KIF15: variants seen among roughly 807,000 people sequenced by gnomAD.
KIF15 encodes the protein kinesin-like protein KIF15.
KIF15 carries 140 observed loss-of-function variants against 190.6 expected under a neutral mutation model. The observed-to-expected ratio is 0.73, with a 90% CI of 0.64 to 0.84. The LOEUF is 0.84. Ranked by LOEUF, KIF15 falls within the 40% of genes least tolerant of loss-of-function variation. The probability of loss-of-function intolerance (pLI) is 0.00; values close to 1 mark genes in which losing one functional copy is unlikely to be tolerated. For missense variants in KIF15, 1,372 were observed against 1,584.4 expected, an observed-to-expected ratio of 0.87 and a Z score of 2.28; for synonymous variants, 528 against 551.3, an observed-to-expected ratio of 0.96 and a Z score of 0.59.
At chr3:44,836,512 A>G (rs1015537434) in intron 26 of KIF15, among the ~76,000 whole-genome samples, 1 of 152,186 alleles carries the variant, frequency 6.6e-6, no homozygotes, top group Non-Finnish European at 1.5e-5. Context: ...TTCTAACAAC[A>G]GATGGGGAAA....
chr3:44,784,137 T>A (rs967847522), intron 5 of KIF15, among the ~76,000 whole-genome samples: 1 of 152,248 alleles, frequency 6.6e-6, no homozygotes, highest in African/African-American at 2.4e-5. Context: ...AGCACTAACA[T>A]GGCTCTAAGT....
At chr3:44,781,840 C>G (rs758629099) in intron 5 of KIF15, among the ~76,000 whole-genome samples, 1 of 152,176 alleles carries the variant, frequency 6.6e-6, no homozygotes, top group Non-Finnish European at 1.5e-5. Context: ...AATGCCCATT[C>G]AAGCTTTTTT....
At chr3:44,858,009 A>G (rs568917415), downstream of KIF15, among the ~76,000 whole-genome samples, 1 of 152,308 alleles carries the variant, frequency 6.6e-6, no homozygotes, top group South Asian at 2.1e-4. Context: ...AATCAAGAGA[A>G]AGAGCTTGGC....
chr3:44,797,812 G>GA, intron 9 of KIF15, 22 bp from the exon 10 acceptor site: 1 of 1,610,354 alleles, frequency 6.2e-7, no homozygotes. Context: ...CCGAAAATAT[G>GA]TTCATTCCTA....
intron 16 of KIF15, 152 bp from the exon 17 acceptor site, chr3:44,810,694 C>T: frequency 1.6e-6 from 1 of 609,222 alleles, no homozygotes; most frequent in East Asian, 2.9e-5. Flanking sequence ...AAATTTATTT[C>T]CACTTGGGCA....
intron 1 of KIF15, among the ~76,000 whole-genome samples, chr3:44,766,603 T>C (rs1398650682): frequency 2.0e-5 from 3 of 152,108 alleles, no homozygotes; most frequent in African/African-American, 7.2e-5. Context: ...GCTGGAGGGA[T>C]CCCTGTGTTC....
intron 3 of KIF15, among the ~76,000 whole-genome samples, chr3:44,776,508 A>G (rs941630909): frequency 2.6e-5 from 4 of 152,228 alleles, no homozygotes; most frequent in Non-Finnish European, 4.4e-5. Context: ...AATTAAATAA[A>G]ACTTGAAAGT....
chr3:44,792,904 A>G (rs1445921821), intron 7 of KIF15, among the ~76,000 whole-genome samples: 1 of 152,060 alleles, frequency 6.6e-6, no homozygotes, highest in Non-Finnish European at 1.5e-5. Flanking sequence ...TTTTGTATAC[A>G]TTATTTTACT....
intron 19 of KIF15, among the ~76,000 whole-genome samples, chr3:44,814,322 G>T (rs1399560835): frequency 6.6e-6 from 1 of 151,406 alleles, no homozygotes; most frequent in Non-Finnish European, 1.5e-5. Flanking sequence ...TTGTTTGTTT[G>T]TTTTGAGACA....
chr3:44,853,235 A>C lies in KIF15; in HGVS notation c.*500A>C, dbSNP rs1362772111. ...TGAGCATTTTCCATGACTGTAAATA[A>C]AGCCATTTTTTAAGATAATAATTAA... On this transcript the variant is annotated 3_prime_UTR_variant, in exon 35 of 35. Transcript: ENST00000326047. 1 of 152,232 alleles carries C rather than the reference A, an allele frequency of 6.6e-6. No homozygotes were observed. The highest frequency in any genetic ancestry group is 6.5e-5 in the Admixed American group (1 of 15,278). The allele number at this position is 152,232 out of a possible 1,614,324, so 9.4% of individuals were successfully genotyped here. A position where few individuals can be genotyped will look rare whatever the true frequency, so the allele number is the denominator to read the frequency against.
Position 44,852,807 on chromosome 3 carries a change from C to G in KIF15, c.*72C>G, listed in dbSNP as rs1699110571. The stretch of plus-strand genomic sequence containing the variant: ...TTCTCTTTTACAAGTAAGACCTACT[C>G]CTGGCCACTTAGGAGAGCTGAATTT... On this transcript the variant is annotated 3_prime_UTR_variant, in exon 35 of 35. Transcript: ENST00000326047. 4 of 1,248,752 alleles carry G rather than the reference C, an allele frequency of 3.2e-6. No homozygotes were observed. The Admixed American group carries it at 6.9e-5, about 21-fold the overall frequency. 77.4% of individuals were successfully genotyped at this position (1,248,752 alleles called of 1,614,324 possible).
At chr3:44,764,366 T>C (rs1329614001) in intron 1 of KIF15, among the ~76,000 whole-genome samples, 1 of 152,218 alleles carries the variant, frequency 6.6e-6, no homozygotes, top group Non-Finnish European at 1.5e-5. Flanking sequence ...ATGTATTCTT[T>C]TTTTATTCTG....
In KIF15 at chr3:44,865,463, T is replaced by G. The variant is rs1345915503; in HGVS notation, c.*60-7866T>G. ...GATGCTGGAGATCCTGGGGTTGGTC[T>G]GCTTTGTGTATGGTACTTGAAACCA... On this transcript the variant is annotated intron_variant and NMD_transcript_variant, in intron 6 of 6. Transcript: ENST00000422209. 14 of 436,486 alleles carry G rather than the reference T, an allele frequency of 3.2e-5. No homozygotes were observed. The South Asian group carries it at 4.9e-4, about 15-fold the overall frequency. 27.0% of individuals were successfully genotyped at this position (436,486 alleles called of 1,614,324 possible). A position where few individuals can be genotyped will look rare whatever the true frequency, so the allele number is the denominator to read the frequency against.
At chr3:44,780,987 T>C (rs1706135776) in intron 5 of KIF15, 65 bp downstream of exon 5, 1 of 1,202,176 alleles carries the variant, frequency 8.3e-7, no homozygotes, top group Non-Finnish European at 1.2e-6. Context: ...ACCTACAACA[T>C]TTTGGGGAAA....
At chr3:44,819,825 G>A (rs1009552164) in intron 20 of KIF15, among the ~76,000 whole-genome samples, 7 of 152,144 alleles carry the variant, frequency 4.6e-5, no homozygotes, top group Non-Finnish European at 8.8e-5. Flanking sequence ...TCATTCATCT[G>A]TCTAATATTG....
chr3:44,761,804 G>C lies in KIF15; in HGVS notation c.-62G>C. On this transcript the variant is annotated 5_prime_UTR_variant, in exon 1 of 35. Transcript: ENST00000326047. ...GAGCGGGCGGAATTCAGTCGCGCGC[G>C]GTGCAGTCGGGAGGTGGAGGCACCG... The C allele has an allele frequency of 6.2e-7, 1 of 1,611,296 alleles. No individual in the cohort carries two copies. The highest frequency in any genetic ancestry group is 1.1e-5 in the South Asian group (1 of 91,032).
chr3:44,859,138 T>G lies in KIF15; in HGVS notation c.*59+6344T>G, dbSNP rs575295672. ...GGCCCAGTGGCCAGATTTATGGCAC[T>G]TTAAGCAAGCTCCTGTGGGAGGCGG... On this transcript the variant is annotated intron_variant and NMD_transcript_variant, in intron 6 of 6. Transcript: ENST00000422209. Among the ~76,000 whole-genome samples the G allele has an allele frequency of 3.9e-5, 6 of 152,324 alleles. No individual in the cohort carries two copies. The South Asian group carries it at 1.2e-3, about 32-fold the overall frequency.
chr3:44,790,825 T>G (rs1706662875), intron 7 of KIF15, among the ~76,000 whole-genome samples: 1 of 151,592 alleles, frequency 6.6e-6, no homozygotes, highest in Non-Finnish European at 1.5e-5. Context: ...CCCGAGTAGC[T>G]GGGACTACAG....
Position 44,830,923 on chromosome 3 carries a change from A to G in KIF15, c.3076A>G (p.Arg1026Gly), listed in dbSNP as rs779071012. The G allele has an allele frequency of 1.9e-6, 3 of 1,614,046 alleles. No individual in the cohort carries two copies. Among genetic ancestry groups the G allele is most frequent in the Non-Finnish European group, 2.5e-6 (3 of 1,179,980 alleles). ...NCKYNSALVD[R>G]EESRVLIKKQ... ...CAAATACAACTCTGCTTTGGTTGAC[A>G]GAGAAGAGAGCAGAGTGTTGATCAA... The change falls in exon 26 of 35, where the codon AGA becomes GGA. Residue 1026 changes from arginine (R) to glycine (G), a missense_variant. Transcript: ENST00000326047.
Sources: gnomAD v4.1 joint callset for allele counts (sites outside exome capture counted in the v4.1 genomes callset) on GRCh38, gnomAD v4.1.1 for gene constraint, MANE v1.5 for transcripts, NCBI Gene and HGNC (gene_info 2026-07-23, HGNC 2026-07-21) for gene names.